FSIP1: variants seen among roughly 807,000 people sequenced by gnomAD.
FSIP1 encodes the protein fibrous sheath interacting protein 1, also known as fibrous sheath-interacting protein 1.
In FSIP1, 65 loss-of-function variants were observed where a neutral mutation model predicts 60.9. That is an observed-to-expected ratio of 1.07 (90% CI 0.87 to 1.31). The LOEUF (loss-of-function observed/expected upper bound fraction) is 1.31, where lower values mean the gene tolerates loss of function less well. Ranked by LOEUF, FSIP1 falls within the 40% of genes most tolerant of loss-of-function variation. FSIP1 has a pLI of 0.00. For missense variants in FSIP1, 675 were observed against 665.5 expected (o/e 1.01, Z -0.16); for synonymous variants, 209 against 221.2 (o/e 0.94, Z 0.49).
intron 10 of FSIP1, among the ~76,000 whole-genome samples, chr15:39,653,186 A>AAC (rs1892945198): frequency 6.6e-6 from 1 of 151,492 alleles, no homozygotes; most frequent in Non-Finnish European, 1.5e-5. Context: ...AAAAAAAAAA[A>AAC]AAAAAACCCA....
At chr15:39,610,460 T>G (rs1476341454) in intron 11 of FSIP1, among the ~76,000 whole-genome samples, 1 of 152,132 alleles carries the variant, frequency 6.6e-6, no homozygotes, top group East Asian at 1.9e-4. Context: ...GGCGGGCAGA[T>G]CACGATGTCA....
intron 10 of FSIP1, among the ~76,000 whole-genome samples, chr15:39,674,901 A>G (rs1002225782): frequency 7.2e-5 from 11 of 152,204 alleles, no homozygotes; most frequent in Admixed American, 2.0e-4. Flanking sequence ...AAAGTGGAAA[A>G]AAGCTACAAA....
chr15:39,733,979 G>C (rs528032005), intron 8 of FSIP1, among the ~76,000 whole-genome samples: 1 of 152,138 alleles, frequency 6.6e-6, no homozygotes, highest in Non-Finnish European at 1.5e-5. Flanking sequence ...AGAAAAAAGA[G>C]ATGATGGAAA....
chr15:39,726,100 A>G (rs1479570744), intron 9 of FSIP1, among the ~76,000 whole-genome samples: 1 of 152,168 alleles, frequency 6.6e-6, no homozygotes. Flanking sequence ...TTTGTAAAAG[A>G]GTATTTGAGG....
chr15:39,674,443 A>T (rs2140475269), intron 10 of FSIP1, among the ~76,000 whole-genome samples: 1 of 152,334 alleles, frequency 6.6e-6, no homozygotes. Flanking sequence ...TAAAACAGCC[A>T]AGATACTTTT....
intron 10 of FSIP1, among the ~76,000 whole-genome samples, chr15:39,642,538 G>C (rs146847880): frequency 6.6e-6 from 1 of 152,286 alleles, no homozygotes; most frequent in East Asian, 1.9e-4. Flanking sequence ...TGCTGCATGG[G>C]GTAGGAATGC....
intron 10 of FSIP1, among the ~76,000 whole-genome samples, chr15:39,667,284 A>G (rs1893534567): frequency 1.3e-5 from 2 of 152,204 alleles, no homozygotes; most frequent in Non-Finnish European, 2.9e-5. Context: ...AGCATACACT[A>G]TAATATCATG....
intron 5 of FSIP1, among the ~76,000 whole-genome samples, chr15:39,745,920 A>C (rs1188076761): frequency 6.6e-6 from 1 of 152,092 alleles, no homozygotes; most frequent in Non-Finnish European, 1.5e-5. Flanking sequence ...TCTCTACAGA[A>C]ATTTAAACAT....
In FSIP1 at chr15:39,611,176, A is replaced by C. The variant is rs193133997; in HGVS notation, c.1699+6559T>G. Among the ~76,000 whole-genome samples the C allele has an allele frequency of 2.4e-3, 368 of 152,348 alleles. 2 individuals are homozygous for C. Among genetic ancestry groups the C allele is most frequent in the African/African-American group, 8.4e-3 (351 of 41,580 alleles). ...TGCAGCTATAATAAATTGTTAAAGG[A>C]ATCCAAATTACAAAAAGATGTAAAA... On this transcript the variant is annotated intron_variant, in intron 11 of 11. Transcript: ENST00000350221.
At chr15:39,718,304 A>G (rs558175430) in intron 9 of FSIP1, among the ~76,000 whole-genome samples, 24 of 151,802 alleles carry the variant, frequency 1.6e-4, no homozygotes, top group Admixed American at 1.2e-3. Context: ...ATACATATAT[A>G]TGTGTGTGTA....
intron 11 of FSIP1, among the ~76,000 whole-genome samples, chr15:39,609,910 C>T (rs891401405): frequency 6.6e-6 from 1 of 152,244 alleles, no homozygotes; most frequent in Non-Finnish European, 1.5e-5. Context: ...GCAACACCAA[C>T]AGCAAGGTGT....
At chr15:39,746,853 T>G (rs1595689139) in intron 5 of FSIP1, among the ~76,000 whole-genome samples, 1 of 151,842 alleles carries the variant, frequency 6.6e-6, no homozygotes, top group African/African-American at 2.4e-5. Flanking sequence ...CTGAGTGAAA[T>G]AAGGAGAGAT....
intron 11 of FSIP1, among the ~76,000 whole-genome samples, chr15:39,610,601 G>A (rs949079190): frequency 6.6e-6 from 1 of 152,194 alleles, no homozygotes; most frequent in Non-Finnish European, 1.5e-5. Context: ...AGGAGGCAGA[G>A]GCTGCAGTGA....
At chr15:39,602,250 G>A (rs1383038292) in intron 11 of FSIP1, 9 of 445,252 alleles carry the variant, frequency 2.0e-5, no homozygotes, top group East Asian at 1.4e-4. Context: ...ATGTGAAGAC[G>A]GAGGCAGAGA....
intron 5 of FSIP1, among the ~76,000 whole-genome samples, chr15:39,755,818 G>C (rs758543458): frequency 6.6e-6 from 1 of 152,154 alleles, no homozygotes; most frequent in African/African-American, 2.4e-5. Context: ...AAACACAAGA[G>C]AGAAACGTGA....
In FSIP1 at chr15:39,602,781, C is replaced by T. The variant is rs149727637; in HGVS notation, c.1700-1855G>A. Among the ~76,000 whole-genome samples, 633 of 152,270 alleles carry T rather than the reference C, an allele frequency of 4.2e-3. 6 individuals carry two copies. Among genetic ancestry groups the T allele is most frequent in the African/African-American group, 0.015 (610 of 41,546 alleles). ...ATCCTTGGAGGCACAACTTAAATGC[C>T]ACCTCCCATCCCTCTATAGTGTTGT... On this transcript the variant is annotated intron_variant, in intron 11 of 11. Coordinates refer to ENST00000350221, the MANE Select transcript of FSIP1 (RefSeq NM_152597.5).
At chr15:39,728,673 T>C (rs908635359) in intron 8 of FSIP1, among the ~76,000 whole-genome samples, 2 of 152,152 alleles carry the variant, frequency 1.3e-5, no homozygotes, top group Admixed American at 1.3e-4. Context: ...GAAGATAACC[T>C]AGGAAATACC....
chr15:39,731,826 C>A (rs563679458), intron 8 of FSIP1, among the ~76,000 whole-genome samples: 2 of 152,272 alleles, frequency 1.3e-5, no homozygotes, highest in South Asian at 4.1e-4. Flanking sequence ...GACCTGAGAT[C>A]GGATGCAAAC....
chr15:39,683,664 T>C (rs1310012153), intron 10 of FSIP1, among the ~76,000 whole-genome samples: 1 of 152,222 alleles, frequency 6.6e-6, no homozygotes, highest in Non-Finnish European at 1.5e-5. Flanking sequence ...TGACTGGCTA[T>C]GGAGAAAATC....
Sources: gnomAD v4.1 joint callset for allele counts (sites outside exome capture counted in the v4.1 genomes callset) on GRCh38, gnomAD v4.1.1 for gene constraint, MANE v1.5 for transcripts, NCBI Gene and HGNC (gene_info 2026-07-23, HGNC 2026-07-21) for gene names.